The following ATG10 variants were observed in gnomAD, a reference collection of about 807,000 sequenced individuals.
ATG10 encodes the protein ubiquitin-like-conjugating enzyme ATG10.
In ATG10, 30 loss-of-function variants were observed where a neutral mutation model predicts 32.1. The ratio of observed to expected loss-of-function variants is 0.94; its 90% CI spans 0.70 to 1.27. ATG10 has a LOEUF of 1.27. Ranked by LOEUF, ATG10 falls within the 50% of genes most tolerant of loss-of-function variation. ATG10 has a pLI of 0.00. For synonymous variants in ATG10, 87 were observed against 91.5 expected (o/e 0.95, Z 0.28); for missense variants, 233 against 262.3 (o/e 0.89, Z 0.77).
rs765257060 is a variant in ATG10 at position 82,164,350 on chromosome 5, C to G, written c.217-49C>G. ...TCCTCTTTTCCTCTCCATGTTAGTA[C>G]TTTTCTTATTAAGAAACCCGTTTTC... On this transcript the variant is annotated intron_variant, in intron 3 of 7. Transcript: ENST00000282185. The G allele has an allele frequency of 1.0e-5, 16 of 1,573,594 alleles. No individual in the cohort carries two copies. In the Admixed American group the frequency reaches 2.7e-4, roughly 27 times the overall value.
intron 3 of ATG10, among the ~76,000 whole-genome samples, chr5:82,092,866 A>C (rs1764937239): frequency 6.6e-6 from 1 of 152,188 alleles, no homozygotes; most frequent in African/African-American, 2.4e-5. Flanking sequence ...CATTATCATC[A>C]TTACCTCCTT....
At chr5:81,993,376 T>C (rs1324082702) in intron 2 of ATG10, among the ~76,000 whole-genome samples, 1 of 95,532 alleles carries the variant, frequency 1.0e-5, no homozygotes, top group East Asian at 2.7e-4. Context: ...TTCTTTTCTT[T>C]TCTTTTCTTT....
At chr5:81,982,516 A>G (rs1761080991) in intron 1 of ATG10, among the ~76,000 whole-genome samples, 1 of 151,568 alleles carries the variant, frequency 6.6e-6, no homozygotes, top group South Asian at 2.1e-4. Context: ...TTTCTAACCT[A>G]CTTACAACTA....
intron 1 of ATG10, among the ~76,000 whole-genome samples, chr5:81,972,758 T>C (rs1397570087): frequency 6.7e-6 from 1 of 149,490 alleles, no homozygotes. Context: ...CAGGTCTTTC[T>C]TTTTTTTTTA....
intron 2 of ATG10, among the ~76,000 whole-genome samples, chr5:82,049,899 T>G (rs779145040): frequency 6.6e-6 from 1 of 152,192 alleles, no homozygotes; most frequent in Non-Finnish European, 1.5e-5. Flanking sequence ...GAACTGTTAC[T>G]TTTTCTTTCA....
chr5:82,236,236 T>C (rs543121841), intron 5 of ATG10, among the ~76,000 whole-genome samples: 4 of 152,190 alleles, frequency 2.6e-5, no homozygotes, highest in African/African-American at 7.2e-5. Context: ...CTCCTGATTT[T>C]CCCCCAGCAA....
At chr5:82,023,133 G>C (rs1762496853) in intron 2 of ATG10, among the ~76,000 whole-genome samples, 1 of 151,884 alleles carries the variant, frequency 6.6e-6, no homozygotes, top group Non-Finnish European at 1.5e-5. Context: ...CAATTGGGCA[G>C]ATTCTTCCAG....
At chr5:82,243,587 T>C (rs951336474) in intron 5 of ATG10, among the ~76,000 whole-genome samples, 1 of 152,180 alleles carries the variant, frequency 6.6e-6, no homozygotes, top group Admixed American at 6.6e-5. Context: ...CATCACTTCA[T>C]ATTAAAGTTT....
At chr5:82,013,054 C>T (rs1202225085) in intron 2 of ATG10, among the ~76,000 whole-genome samples, 10 of 151,726 alleles carry the variant, frequency 6.6e-5, no homozygotes, top group African/African-American at 1.2e-4. Context: ...CTGCACCTCC[C>T]GGGTTCCAGT....
intron 3 of ATG10, among the ~76,000 whole-genome samples, chr5:82,137,342 C>T (rs143302653): frequency 2.1e-4 from 32 of 152,202 alleles, no homozygotes; most frequent in African/African-American, 5.3e-4. Flanking sequence ...TCCTCATGTT[C>T]GTGGATTTAT....
chr5:82,063,152 C>T (rs1268916763), intron 3 of ATG10, among the ~76,000 whole-genome samples: 1 of 151,980 alleles, frequency 6.6e-6, no homozygotes, highest in East Asian at 1.9e-4. Context: ...GACTCCATCA[C>T]TACAAAAACA....
chr5:82,100,510 C>G (rs1471044205), intron 3 of ATG10, among the ~76,000 whole-genome samples: 1 of 151,952 alleles, frequency 6.6e-6, no homozygotes, highest in African/African-American at 2.4e-5. Flanking sequence ...GTAGTTGGCC[C>G]CTGAATTCTT....
At chr5:82,148,918 T>C (rs1767470075) in intron 3 of ATG10, among the ~76,000 whole-genome samples, 1 of 152,194 alleles carries the variant, frequency 6.6e-6, no homozygotes, top group Non-Finnish European at 1.5e-5. Flanking sequence ...TTTCCACCTA[T>C]CTCTGAAATA....
chr5:81,995,292 G>A (rs1761627598), intron 2 of ATG10, among the ~76,000 whole-genome samples: 1 of 152,038 alleles, frequency 6.6e-6, no homozygotes, highest in Non-Finnish European at 1.5e-5. Context: ...CACCATGCCT[G>A]GCTAACTTTT....
chr5:82,109,966 T>C (rs1262583851), intron 3 of ATG10, among the ~76,000 whole-genome samples: 4 of 119,922 alleles, frequency 3.3e-5, no homozygotes, highest in Non-Finnish European at 5.2e-5. Context: ...CACCCCACAA[T>C]GGGCCCTGGT....
At chr5:82,131,756 A>T (rs1435928715) in intron 3 of ATG10, among the ~76,000 whole-genome samples, 3 of 151,422 alleles carry the variant, frequency 2.0e-5, no homozygotes, top group East Asian at 3.9e-4. Context: ...TAGTTTTGTT[A>T]GTCTGTTTGT....
intron 1 of ATG10, among the ~76,000 whole-genome samples, chr5:81,983,056 A>G (rs1306763819): frequency 4.6e-5 from 7 of 152,132 alleles, no homozygotes; most frequent in East Asian, 1.9e-4. Context: ...CCCATTCTCA[A>G]TGAGCTGTTG....
At chr5:82,055,293 C>T (rs72776838) in intron 2 of ATG10, among the ~76,000 whole-genome samples, 17,930 of 151,818 alleles carry the variant, frequency 0.12, 1,288 homozygotes, top group Non-Finnish European at 0.17. Flanking sequence ...AGCGTACTTC[C>T]GTATCGATAA....
At chr5:82,142,680 G>A (rs1767202803) in intron 3 of ATG10, among the ~76,000 whole-genome samples, 1 of 152,158 alleles carries the variant, frequency 6.6e-6, no homozygotes, top group African/African-American at 2.4e-5. Flanking sequence ...GGGTGCGTGG[G>A]AGGTGGTTGA....
Sources: gnomAD v4.1 joint callset for allele counts (sites outside exome capture counted in the v4.1 genomes callset) on GRCh38, gnomAD v4.1.1 for gene constraint, MANE v1.5 for transcripts, NCBI Gene and HGNC (gene_info 2026-07-23, HGNC 2026-07-21) for gene names.